The following DTX1 variants were observed in gnomAD, a reference collection of about 807,000 sequenced individuals.
The protein encoded by DTX1 is deltex E3 ubiquitin ligase 1, also known as E3 ubiquitin-protein ligase DTX1.
A neutral mutation model predicts 57.8 loss-of-function variants in DTX1; 26 were observed. The ratio of observed to expected loss-of-function variants is 0.45; its 90% CI spans 0.33 to 0.62. The LOEUF (loss-of-function observed/expected upper bound fraction) is 0.62. DTX1 is among the 20% of genes least tolerant of loss of function. The pLI is 0.02. For missense variants in DTX1, 704 were observed against 895.3 expected (o/e 0.79, Z 2.73); for synonymous variants, 398 against 394.1 (o/e 1.01, Z -0.12).
Position 113,077,841 on chromosome 12 carries a change from C to A in DTX1, c.677C>A (p.Ala226Glu), listed in dbSNP as rs772328217. Residue 226 changes from alanine to glutamate, a missense_variant, in exon 3 of 10, where the codon GCG (alanine) becomes GAG (glutamate). Coordinates refer to ENST00000548759, the MANE Select transcript of DTX1 (RefSeq NM_004416.3). This position sits in a 1 kb window ranked among gnomAD's most constrained non-coding sequence, Gnocchi z 7.8. ...NAILASQRRK[A>E]PPAPPLPPPP... ...ATCCTGGCCTCGCAGCGCCGCAAGG[C>A]GCCCCCCGCGCCCCCGCTGCCGCCG... The A allele has an allele frequency of 2.6e-5, 35 of 1,339,016 alleles. No homozygotes were observed. Among genetic ancestry groups the A allele is most frequent in the Admixed American group, 1.2e-4 (3 of 25,372 alleles). The allele number at this position is 1,339,016 out of a possible 1,614,324, so 82.9% of individuals were successfully genotyped here.
chr12:113,087,190 T>C (rs1364337682), intron 3 of DTX1, among the ~76,000 whole-genome samples: 2 of 151,964 alleles, frequency 1.3e-5, no homozygotes, highest in African/African-American at 4.8e-5. Context: ...CACTCACACC[T>C]CAAAATGTCT....
At chr12:113,069,192 G>C (rs2044723879) in intron 2 of DTX1, among the ~76,000 whole-genome samples, 1 of 152,102 alleles carries the variant, frequency 6.6e-6, no homozygotes, top group Admixed American at 6.5e-5. Context: ...AGATGAGAAA[G>C]GAGCAGTTTG....
intron 2 of DTX1, among the ~76,000 whole-genome samples, chr12:113,058,712 T>A (rs2044647750): frequency 6.6e-6 from 1 of 152,178 alleles, no homozygotes; most frequent in Non-Finnish European, 1.5e-5. Context: ...AATGGGTAGA[T>A]CAATATCTCT....
At chr12:113,094,184 T>C (rs1219319698) in intron 6 of DTX1, 85 bp downstream of exon 6, 2 of 1,250,570 alleles carry the variant, frequency 1.6e-6, no homozygotes, top group Non-Finnish European at 2.2e-6. Context: ...TTCTGGGTGA[T>C]ACAGAGCTCT....
At chr12:113,089,271 G>A (rs1172365703) in intron 3 of DTX1, among the ~76,000 whole-genome samples, 1 of 152,118 alleles carries the variant, frequency 6.6e-6, no homozygotes, top group Non-Finnish European at 1.5e-5. Flanking sequence ...GTAGATGGGG[G>A]CCAGATCAGG....
chr12:113,061,188 GCCC>G, intron 2 of DTX1, among the ~76,000 whole-genome samples: 1 of 151,808 alleles, frequency 6.6e-6, no homozygotes, highest in Non-Finnish European at 1.5e-5. Context: ...CTCCACACCT[GCCC>G]CCTGTTTGCC....
At chr12:113,081,750 C>T (rs2136061577) in intron 3 of DTX1, among the ~76,000 whole-genome samples, 1 of 152,082 alleles carries the variant, frequency 6.6e-6, no homozygotes. Context: ...GAGGCGCCAG[C>T]AAGAAGGAGA....
chr12:113,070,671 C>G (rs2044732430), intron 2 of DTX1, among the ~76,000 whole-genome samples: 1 of 152,238 alleles, frequency 6.6e-6, no homozygotes, highest in Non-Finnish European at 1.5e-5. Flanking sequence ...GGGCAGAAAC[C>G]TCACACGGCT....
At chr12:113,094,996 G>A (rs1950277041) in intron 7 of DTX1, 46 bp from the exon 8 acceptor site, 1 of 1,604,978 alleles carries the variant, frequency 6.2e-7, no homozygotes. Context: ...AACGGAGTGG[G>A]GTTTGGGGGG....
intron 3 of DTX1, among the ~76,000 whole-genome samples, chr12:113,088,574 G>A (rs1280950120): frequency 1.3e-5 from 2 of 152,210 alleles, no homozygotes; most frequent in Non-Finnish European, 2.9e-5. Flanking sequence ...AAACCTGCAC[G>A]TTGTGCACAT....
Position 113,093,434 on chromosome 12 carries a change from G to GCAACC in DTX1, c.1004-103_1004-99dup. On this transcript the variant is annotated intron_variant, in intron 4 of 9. Coordinates refer to ENST00000548759, the MANE Select transcript of DTX1 (RefSeq NM_004416.3). The surrounding 1 kb of genome is among the most constrained non-coding windows in gnomAD (Gnocchi z 4.2). ...GGCTGAGTGGGTGGGGCCCAAGAGC[G>GCAACC]CAACCCTCCCACCCACCCGAGGGCC... The GCAACC allele has an allele frequency of 1.8e-6, 2 of 1,124,220 alleles. No individual in the cohort carries two copies. Among genetic ancestry groups the GCAACC allele is most frequent in the Non-Finnish European group, 2.5e-6 (2 of 809,322 alleles). 69.6% of individuals were successfully genotyped at this position (1,124,220 alleles called of 1,614,324 possible). A position where few individuals can be genotyped will look rare whatever the true frequency, so the allele number is the denominator to read the frequency against.
intron 2 of DTX1, among the ~76,000 whole-genome samples, chr12:113,073,704 C>T (rs2044751831): frequency 6.6e-6 from 1 of 152,168 alleles, no homozygotes; most frequent in Non-Finnish European, 1.5e-5. Flanking sequence ...TAGGGACACA[C>T]CAGTGTGGAA....
chr12:113,095,456 A>G (rs1225689261), intron 9 of DTX1, 42 bp downstream of exon 9: 4 of 1,611,866 alleles, frequency 2.5e-6, no homozygotes, highest in Non-Finnish European at 3.4e-6. Flanking sequence ...AGGCACAGGC[A>G]GGGGCTCCAG....
At chr12:113,075,185 T>A (rs532314632) in intron 2 of DTX1, among the ~76,000 whole-genome samples, 1 of 152,316 alleles carries the variant, frequency 6.6e-6, no homozygotes, top group East Asian at 1.9e-4. Context: ...ATTTTCAACA[T>A]GAGAAAACTG....
In DTX1 at chr12:113,077,295, G is replaced by C. The variant is rs1241523232; in HGVS notation, c.260-129G>C. On this transcript the variant is annotated intron_variant, in intron 2 of 9. Coordinates refer to ENST00000548759, the MANE Select transcript of DTX1 (RefSeq NM_004416.3). This position sits in a 1 kb window ranked among gnomAD's most constrained non-coding sequence, Gnocchi z 7.8. ...TGTGTTGACCCTCTCCCCAAGTCTG[G>C]GTGGACCCCCTGGAGGCCTGTGCTG... The C allele has an allele frequency of 1.9e-6, 2 of 1,068,268 alleles. No homozygotes were observed. The highest frequency in any genetic ancestry group is 3.2e-5 in the African/African-American group (2 of 62,208). The allele number at this position is 1,068,268 out of a possible 1,614,324, so 66.2% of individuals were successfully genotyped here.
At position 113,077,522 on chromosome 12, in the gene DTX1, G is replaced by A. The variant is rs1486688057; in HGVS notation, c.358G>A (p.Ala120Thr). 6.2e-7 allele frequency: 1 copy of A among 1,613,532 alleles called. No homozygotes were observed. The highest frequency in any genetic ancestry group is 2.2e-5 in the East Asian group (1 of 44,868). ...GGAGAACGACGGCGGCGCATGGACGGCCTACGATATGGACATCTGCATCAC... is the reference window on the plus strand; with the variant it reads ...GGAGAACGACGGCGGCGCATGGACGACCTACGATATGGACATCTGCATCAC... ...EWENDGGAWTAYDMDICITIQ... is the reference protein window; with the variant it reads ...EWENDGGAWTTYDMDICITIQ... The change falls in exon 3 of 10, where the codon GCC becomes ACC. Residue 120 changes from alanine (A) to threonine (T), a missense_variant. Around this residue, in one of 3 missense-constraint regions of DTX1, gnomAD observed 237 missense variants for 328.6 expected, o/e 0.72. Transcript: ENST00000548759. The surrounding 1 kb of genome is among the most constrained non-coding windows in gnomAD (Gnocchi z 7.8).
In DTX1 at chr12:113,096,605, G is replaced by A. The variant is rs1390100877; in HGVS notation, c.1639-110G>A. The A allele has an allele frequency of 1.8e-5, 19 of 1,033,362 alleles. No homozygotes were observed. In the East Asian group the frequency reaches 2.9e-4, roughly 16 times the overall value. 64.0% of individuals were successfully genotyped at this position (1,033,362 alleles called of 1,614,324 possible). ...CAGTACGTAGTTGGTGCTAATGGAC[G>A]AAGCCATAAGGTAGCCATGATGTGG... On this transcript the variant is annotated intron_variant, in intron 9 of 9. Transcript: ENST00000548759.
chr12:113,075,940 T>C (rs1187839892), intron 2 of DTX1, among the ~76,000 whole-genome samples: 4 of 151,830 alleles, frequency 2.6e-5, no homozygotes, highest in African/African-American at 4.8e-5. Flanking sequence ...ATCCCTGACC[T>C]TGTGGCTATT....
At chr12:113,083,459 G>C (rs140296891) in intron 3 of DTX1, among the ~76,000 whole-genome samples, 2,709 of 152,212 alleles carry the variant, frequency 0.018, 36 homozygotes, top group African/African-American at 0.033. Context: ...CCAAGTAGTG[G>C]AGATTACAGA....
Sources: allele counts gnomAD v4.1 joint callset (sites outside exome capture counted in the v4.1 genomes callset), GRCh38; gene constraint gnomAD v4.1.1; regional missense constraint gnomAD v4.1.1; non-coding constraint Gnocchi (gnomAD v3.1); transcripts MANE v1.5; gene names NCBI Gene and HGNC (gene_info 2026-07-23, HGNC 2026-07-21).